Variants in GRIK3 observed in about 807,000 individuals in gnomAD.
GRIK3 encodes glutamate receptor ionotropic, kainate 3.
Under a neutral mutation model 102.5 loss-of-function variants are expected in GRIK3, and 29 were observed. The observed-to-expected ratio is 0.28, with a 90% CI of 0.21 to 0.39. GRIK3 has a LOEUF of 0.39. GRIK3 is among the 10% of genes least tolerant of loss of function. The probability of loss-of-function intolerance (pLI) is 1.00; values close to 1 mark genes in which losing one functional copy is unlikely to be tolerated. For synonymous variants in GRIK3, 511 were observed against 504.9 expected (o/e 1.01, Z -0.16); for missense variants, 908 against 1,252.4 (o/e 0.73, Z 4.15).
intron 1 of GRIK3, among the ~76,000 whole-genome samples, chr1:36,960,210 G>A (rs1475939800): frequency 4.1e-5 from 6 of 147,816 alleles, no homozygotes; most frequent in African/African-American, 1.5e-4. Context: ...TGTGACCCAT[G>A]AGCCTGTGTG....
chr1:36,831,687 T>G (rs1395732533), intron 10 of GRIK3, among the ~76,000 whole-genome samples: 1 of 152,218 alleles, frequency 6.6e-6, no homozygotes, highest in Non-Finnish European at 1.5e-5. Context: ...CTGCCCAATA[T>G]GGCAACTGCG....
intron 1 of GRIK3, among the ~76,000 whole-genome samples, chr1:37,019,283 A>C (rs1642685085): frequency 6.6e-6 from 1 of 152,188 alleles, no homozygotes; most frequent in African/African-American, 2.4e-5. Context: ...GGGGTGAAAG[A>C]ACACTCTCAG....
intron 1 of GRIK3, among the ~76,000 whole-genome samples, chr1:37,027,609 G>A (rs1325859672): frequency 1.3e-5 from 2 of 152,176 alleles, no homozygotes; most frequent in African/African-American, 4.8e-5. Flanking sequence ...GCTCAAGTGT[G>A]GACAGCATGT....
At chr1:36,950,829 A>G (rs1641836397) in intron 1 of GRIK3, among the ~76,000 whole-genome samples, 1 of 152,190 alleles carries the variant, frequency 6.6e-6, no homozygotes, top group Non-Finnish European at 1.5e-5. Flanking sequence ...GAGTGATCAC[A>G]TGCTGTCACC....
chr1:36,820,864 G>A (rs1343445204), intron 11 of GRIK3, among the ~76,000 whole-genome samples: 2 of 152,182 alleles, frequency 1.3e-5, no homozygotes, highest in Non-Finnish European at 1.5e-5. Context: ...AGGAAGAGGA[G>A]TCCTGATTAT....
At chr1:37,012,800 T>C (rs1367690547) in intron 1 of GRIK3, among the ~76,000 whole-genome samples, 1 of 152,234 alleles carries the variant, frequency 6.6e-6, no homozygotes, top group East Asian at 1.9e-4. Context: ...CCTCAGTTTC[T>C]TCATGTGCAA....
chr1:36,840,950 A>G (rs148673125), intron 10 of GRIK3, among the ~76,000 whole-genome samples: 8 of 152,296 alleles, frequency 5.3e-5, no homozygotes, highest in Non-Finnish European at 1.0e-4. Context: ...CGCGTGAGGA[A>G]GGGGTGTCAA....
chr1:36,957,416 G>GTGCCCCGTGAGTCTA (rs1641926297), intron 1 of GRIK3, among the ~76,000 whole-genome samples: 1 of 131,522 alleles, frequency 7.6e-6, no homozygotes, highest in Non-Finnish European at 1.6e-5. Flanking sequence ...GTGAGCCTGT[G>GTGCCCCGTGAGTCTA]TGCCCCATGA....
chr1:36,919,817 A>G (rs1641446875), intron 1 of GRIK3, among the ~76,000 whole-genome samples: 1 of 152,214 alleles, frequency 6.6e-6, no homozygotes, highest in Non-Finnish European at 1.5e-5. Flanking sequence ...CTCAGTGCCC[A>G]TGGCCCCTGG....
intron 1 of GRIK3, among the ~76,000 whole-genome samples, chr1:36,987,064 C>T (rs558329757): frequency 3.3e-5 from 5 of 152,328 alleles, no homozygotes; most frequent in African/African-American, 1.2e-4. Flanking sequence ...CTCCTCTGCC[C>T]ACTCACAGAA....
chr1:36,830,284 C>A (rs1376715133), intron 10 of GRIK3, among the ~76,000 whole-genome samples: 3 of 152,104 alleles, frequency 2.0e-5, no homozygotes, highest in Non-Finnish European at 4.4e-5. Context: ...GTACTTGGAC[C>A]CAGTTCATTG....
chr1:36,996,936 T>A (rs1570853679), intron 1 of GRIK3, among the ~76,000 whole-genome samples: 1 of 151,910 alleles, frequency 6.6e-6, no homozygotes, highest in Non-Finnish European at 1.5e-5. Context: ...TGGGGGAGGG[T>A]GCTACTGGCC....
In GRIK3 at chr1:37,030,541, C is replaced by CA. The variant is rs1491216345; in HGVS notation, c.115+3452dup. 9.9e-4 allele frequency among the ~76,000 whole-genome samples: 110 copies of CA among 110,888 alleles called. 1 individual carries two copies. The highest frequency in any genetic ancestry group is 4.9e-3 in the African/African-American group (106 of 21,452). 72.7% of individuals were successfully genotyped at this position (110,888 alleles called of 152,430 possible). A position where few individuals can be genotyped will look rare whatever the true frequency, so the allele number is the denominator to read the frequency against. On this transcript the variant is annotated intron_variant, in intron 1 of 15. Transcript: ENST00000373091. Reference sequence around the variant, plus strand: ...CCAACCCTTCCTTTTCCCCACCCCCCACCCCCTCCCCCCCCCCAACACCTG... The same window carrying CA: ...CCAACCCTTCCTTTTCCCCACCCCCCAACCCCCTCCCCCCCCCCAACACCTG...
At chr1:36,949,146 C>T (rs186152773) in intron 1 of GRIK3, among the ~76,000 whole-genome samples, 27 of 152,378 alleles carry the variant, frequency 1.8e-4, no homozygotes, top group African/African-American at 6.5e-4. Flanking sequence ...ACCTGCCTGG[C>T]TCCACAAGAA....
intron 1 of GRIK3, among the ~76,000 whole-genome samples, chr1:36,974,597 G>C (rs1266660937): frequency 6.6e-6 from 1 of 151,960 alleles, no homozygotes; most frequent in Non-Finnish European, 1.5e-5. Context: ...AGGAGATCGA[G>C]ACCATCCTGG....
chr1:36,804,931 A>T (rs1482872896), intron 15 of GRIK3, 56 bp downstream of exon 15: 2 of 1,593,522 alleles, frequency 1.3e-6, no homozygotes, highest in South Asian at 2.3e-5. Context: ...ACAGGAGTGA[A>T]ATCAGCGCGA....
At chr1:36,931,507 T>C (rs1214759713) in intron 1 of GRIK3, among the ~76,000 whole-genome samples, 1 of 152,264 alleles carries the variant, frequency 6.6e-6, no homozygotes, top group Non-Finnish European at 1.5e-5. Context: ...TTTACTTGTT[T>C]GTTGTCTATA....
chr1:36,801,898 T>G lies in GRIK3; in HGVS notation c.2713A>C (p.Lys905Gln). The stretch of plus-strand genomic sequence containing the variant: ...GATGTGCTGCAGGCCATGCTGTCCT[T>G]GCCGGGAAGCCGGCGGTCATTGAAT... ...HTFNDRRLPG[K>Q]DSMACSTSLA... is the part of the protein sequence containing the mutation. The change falls in exon 16 of 16, where the codon AAG becomes CAG. Residue 905 changes from lysine to glutamine, a missense_variant. Coordinates refer to ENST00000373091, the MANE Select transcript of GRIK3 (RefSeq NM_000831.4). The G allele has an allele frequency of 6.2e-7, 1 of 1,613,514 alleles. No individual in the cohort carries two copies. The highest frequency in any genetic ancestry group is 8.5e-7 in the Non-Finnish European group (1 of 1,179,692).
chr1:36,979,299 A>G (rs934645226), intron 1 of GRIK3, among the ~76,000 whole-genome samples: 11 of 152,240 alleles, frequency 7.2e-5, no homozygotes, highest in African/African-American at 2.2e-4. Flanking sequence ...TGTGCCAATG[A>G]ACCAACAGGC....
Sources: gnomAD v4.1 joint callset for allele counts (sites outside exome capture counted in the v4.1 genomes callset) on GRCh38, gnomAD v4.1.1 for gene constraint, MANE v1.5 for transcripts, NCBI Gene and HGNC (gene_info 2026-07-23, HGNC 2026-07-21) for gene names.